Variants in ERBB4 observed in about 807,000 individuals in gnomAD.
The protein encoded by ERBB4 is receptor tyrosine-protein kinase erbB-4.
In ERBB4, 42 loss-of-function variants were observed where a neutral mutation model predicts 158.0. The ratio of observed to expected loss-of-function variants is 0.27; its 90% CI spans 0.21 to 0.34. ERBB4 has a LOEUF of 0.34. ERBB4 is among the 10% of genes least tolerant of loss of function. The pLI is 1.00. For missense variants in ERBB4, 1,333 were observed against 1,624.1 expected (o/e 0.82, Z 3.08); for synonymous variants, 583 against 558.7 (o/e 1.04, Z -0.61).
At chr2:211,982,655 A>T (rs2081835542) in intron 2 of ERBB4, among the ~76,000 whole-genome samples, 1 of 152,194 alleles carries the variant, frequency 6.6e-6, no homozygotes, top group Admixed American at 6.5e-5. Flanking sequence ...TTGTTCCTAG[A>T]GGAGCCTTCA....
chr2:212,147,804 C>G (rs1007617375), intron 1 of ERBB4, among the ~76,000 whole-genome samples: 1 of 152,136 alleles, frequency 6.6e-6, no homozygotes. Context: ...ATTAACCCTC[C>G]GTGAAGAAAC....
intron 20 of ERBB4, among the ~76,000 whole-genome samples, chr2:211,518,029 A>G (rs1265508229): frequency 1.3e-5 from 2 of 152,074 alleles, no homozygotes; most frequent in Non-Finnish European, 2.9e-5. Flanking sequence ...CTCACTAATC[A>G]CACCATAAAT....
intron 3 of ERBB4, among the ~76,000 whole-genome samples, chr2:211,794,300 C>T (rs2076337224): frequency 6.6e-6 from 1 of 151,864 alleles, no homozygotes; most frequent in African/African-American, 2.4e-5. Context: ...TTCCCCCTTC[C>T]TCTAACTCCT....
intron 20 of ERBB4, among the ~76,000 whole-genome samples, chr2:211,552,569 G>A (rs1000262511): frequency 4.6e-5 from 7 of 151,786 alleles, no homozygotes; most frequent in Admixed American, 3.9e-4. Context: ...AATAAAGAAA[G>A]CCCATGGAAC....
At chr2:211,843,119 C>T (rs947771135) in intron 3 of ERBB4, among the ~76,000 whole-genome samples, 2 of 152,076 alleles carry the variant, frequency 1.3e-5, no homozygotes, top group African/African-American at 4.8e-5. Flanking sequence ...CATGAAAACC[C>T]TAATTAAAGA....
chr2:212,077,420 T>C (rs1380923744), intron 2 of ERBB4, among the ~76,000 whole-genome samples: 3 of 152,000 alleles, frequency 2.0e-5, no homozygotes, highest in East Asian at 3.9e-4. Flanking sequence ...GATATATTTG[T>C]TTGTGTTTGT....
chr2:211,975,634 T>C (rs2081585034), intron 2 of ERBB4, among the ~76,000 whole-genome samples: 1 of 152,182 alleles, frequency 6.6e-6, no homozygotes, highest in Non-Finnish European at 1.5e-5. Flanking sequence ...GATTTGCTAC[T>C]AAGGAGGATA....
At chr2:211,993,228 C>A (rs759819181) in intron 2 of ERBB4, among the ~76,000 whole-genome samples, 15 of 152,088 alleles carry the variant, frequency 9.9e-5, no homozygotes, top group Admixed American at 4.6e-4. Context: ...AGGGGTGAGA[C>A]CCTAACCCAA....
At chr2:211,993,179 A>G (rs947656523) in intron 2 of ERBB4, among the ~76,000 whole-genome samples, 4 of 152,216 alleles carry the variant, frequency 2.6e-5, no homozygotes, top group African/African-American at 9.6e-5. Context: ...ATACGGAGAT[A>G]GGATCTTTAA....
chr2:211,696,327 T>C (rs954610339), intron 12 of ERBB4, among the ~76,000 whole-genome samples: 2 of 152,080 alleles, frequency 1.3e-5, no homozygotes, highest in Non-Finnish European at 2.9e-5. Flanking sequence ...GCCAAGATGA[T>C]CTTGAACTCC....
intron 20 of ERBB4, among the ~76,000 whole-genome samples, chr2:211,519,646 G>A (rs1464675298): frequency 2.0e-5 from 3 of 151,522 alleles, no homozygotes; most frequent in African/African-American, 4.9e-5. Flanking sequence ...CAAAACAGTT[G>A]GACATGAATT....
intron 3 of ERBB4, among the ~76,000 whole-genome samples, chr2:211,818,833 T>C (rs900420730): frequency 3.5e-4 from 53 of 152,120 alleles, no homozygotes; most frequent in African/African-American, 1.2e-3. Context: ...TGGATGGGGA[T>C]GTATGATCAC....
intron 3 of ERBB4, among the ~76,000 whole-genome samples, chr2:211,906,380 T>C (rs1225470535): frequency 6.6e-6 from 1 of 152,108 alleles, no homozygotes; most frequent in East Asian, 1.9e-4. Context: ...ATAGCTCACA[T>C]TCACAGAAAT....
intron 3 of ERBB4, among the ~76,000 whole-genome samples, chr2:211,872,541 C>T (rs193005217): frequency 6.4e-4 from 97 of 152,108 alleles, no homozygotes; most frequent in Admixed American, 1.4e-3. Context: ...CAAATTATCA[C>T]AAAATTTATT....
chr2:211,539,176 C>T (rs1185598671), intron 20 of ERBB4, among the ~76,000 whole-genome samples: 1 of 151,816 alleles, frequency 6.6e-6, no homozygotes, highest in East Asian at 1.9e-4. Context: ...ATCAATAAAA[C>T]ATTTGACTTA....
At chr2:211,718,193 C>T (rs1218611103) in intron 7 of ERBB4, among the ~76,000 whole-genome samples, 6 of 152,004 alleles carry the variant, frequency 3.9e-5, no homozygotes, top group African/African-American at 7.2e-5. Flanking sequence ...ATTACAGGCA[C>T]GAGCCACCGT....
intron 2 of ERBB4, among the ~76,000 whole-genome samples, chr2:211,971,399 A>T (rs2081448179): frequency 6.6e-6 from 1 of 152,156 alleles, no homozygotes; most frequent in Non-Finnish European, 1.5e-5. Context: ...GAGTTCTTAA[A>T]TTGAGGCAGT....
chr2:211,720,148 G>A (rs901245513), intron 7 of ERBB4, among the ~76,000 whole-genome samples: 7 of 152,154 alleles, frequency 4.6e-5, no homozygotes, highest in East Asian at 1.9e-4. Flanking sequence ...CCCGGTAACC[G>A]ATGCATTTTT....
chr2:212,476,126 C>T (rs1689376329), intron 1 of ERBB4, among the ~76,000 whole-genome samples: 1 of 148,754 alleles, frequency 6.7e-6, no homozygotes, highest in South Asian at 2.1e-4. Flanking sequence ...ACCAAACACA[C>T]ATACATACTC....
Sources: gnomAD v4.1 joint callset for allele counts (sites outside exome capture counted in the v4.1 genomes callset) on GRCh38, gnomAD v4.1.1 for gene constraint, MANE v1.5 for transcripts, NCBI Gene and HGNC (gene_info 2026-07-23, HGNC 2026-07-21) for gene names.